Variants in TLE2 observed in about 807,000 individuals in gnomAD.
The protein encoded by TLE2 is transducin-like enhancer protein 2.
TLE2 carries 74 observed loss-of-function variants against 97.2 expected under a neutral mutation model. The ratio of observed to expected loss-of-function variants is 0.76; its 90% CI spans 0.63 to 0.92. The LOEUF is 0.92. Ranked by LOEUF, TLE2 falls within the 40% of genes least tolerant of loss-of-function variation. The pLI, the probability that TLE2 is intolerant of heterozygous loss-of-function variation, is 0.00. For missense variants in TLE2, 1,038 were observed against 1,008.7 expected (o/e 1.03, Z -0.39); for synonymous variants, 499 against 432.1 (o/e 1.15, Z -1.92).
chr19:3,024,754 G>A (rs1219222927), intron 5 of TLE2, among the ~76,000 whole-genome samples: 1 of 152,204 alleles, frequency 6.6e-6, no homozygotes, highest in African/African-American at 2.4e-5. Flanking sequence ...GCTTGAGGGG[G>A]TCAGCTCTAT....
At chr19:3,011,228 G>A in intron 11 of TLE2, 68 bp from the exon 12 acceptor site, 1 of 1,483,386 alleles carries the variant, frequency 6.7e-7, no homozygotes, top group South Asian at 1.4e-5. Context: ...GATCTGATCA[G>A]AAACTGGGGT....
chr19:3,044,780 G>C (rs2090129943), intron 1 of TLE2, among the ~76,000 whole-genome samples: 1 of 152,202 alleles, frequency 6.6e-6, no homozygotes, highest in Non-Finnish European at 1.5e-5. Context: ...TGCCAGGCAT[G>C]ATTCTAGGCC....
At chr19:2,999,152 G>T (rs915484373) in intron 19 of TLE2, among the ~76,000 whole-genome samples, 1 of 152,012 alleles carries the variant, frequency 6.6e-6, no homozygotes, top group South Asian at 2.1e-4. Flanking sequence ...CATGGTGGCG[G>T]GCACATGTAA....
chr19:3,003,087 A>AGAGAAAG (rs1171134362), intron 17 of TLE2, among the ~76,000 whole-genome samples: 1 of 152,056 alleles, frequency 6.6e-6, no homozygotes, highest in African/African-American at 2.4e-5. Flanking sequence ...GCACCCCCCT[A>AGAGAAAG]GAGAAAGGCA....
chr19:3,017,433 T>TG (rs1364983778), intron 8 of TLE2, among the ~76,000 whole-genome samples: 1 of 114,186 alleles, frequency 8.8e-6, no homozygotes, highest in African/African-American at 3.2e-5. Context: ...CCTGGCCTGG[T>TG]TTTTTTTTTT....
upstream of TLE2, chr19:3,029,562 G>GGC (rs1555694592): frequency 3.3e-5 from 27 of 816,150 alleles, no homozygotes; most frequent in Non-Finnish European, 3.7e-5. Context: ...TGGGAGCGGG[G>GGC]GGGGGGGCTT....
At chr19:3,017,484 T>C (rs1241323437) in intron 8 of TLE2, among the ~76,000 whole-genome samples, 2 of 144,966 alleles carry the variant, frequency 1.4e-5, no homozygotes, top group East Asian at 2.0e-4. Context: ...AGGGTCTTAC[T>C]CTGTCACCCA....
In TLE2 at chr19:3,006,498, C is replaced by T. The variant is rs1316878551; in HGVS notation, c.1422G>A (p.Thr474=). 2 of 1,609,556 alleles carry T rather than the reference C, an allele frequency of 1.2e-6. No homozygotes were observed. Among genetic ancestry groups the T allele is most frequent in the African/African-American group, 1.3e-5 (1 of 74,840 alleles). The stretch of plus-strand genomic sequence containing the variant: ...ACACCTTCACACAGCCCTTGCCGCC[C>T]GTGTACACATGCTGTGTGGAGCCGC... ...TISGSTQHVY[T]GGKGCVKVWD... Residue 474 remains threonine, a synonymous_variant, in exon 15 of 20, where the codon ACG becomes ACA. Transcript: ENST00000262953.
chr19:3,000,463 C>G (rs1052748128), intron 19 of TLE2, among the ~76,000 whole-genome samples, 184 bp downstream of exon 19: 1 of 152,042 alleles, frequency 6.6e-6, no homozygotes, highest in African/African-American at 2.4e-5. Context: ...TGAGGCGAGG[C>G]CTCCGGCTGA....
At position 3,009,550 on chromosome 19, in the gene TLE2, A is replaced by G. The variant is rs745323586; in HGVS notation, c.1165T>C (p.Ser389Pro). The G allele has an allele frequency of 6.2e-7, 1 of 1,605,456 alleles. No individual in the cohort carries two copies. Among genetic ancestry groups the G allele is most frequent in the Non-Finnish European group, 8.5e-7 (1 of 1,175,968 alleles). ...QVSSSVVYGR[S>P]PVMAFESHPH... is the part of the protein sequence containing the mutation. ...CCCACCCAAGGACTCACCACGGGGG[A>G]GCGTCCGTACACCACAGAGCTGCTG... Residue 389 changes from serine to proline, a missense_variant, in exon 13 of 20, where the codon TCC becomes CCC. Ser to Pro is a moderately conservative substitution (Grantham distance 74). Transcript: ENST00000262953.
chr19:3,000,111 G>A (rs1013092091), intron 19 of TLE2, among the ~76,000 whole-genome samples: 7 of 150,662 alleles, frequency 4.6e-5, no homozygotes, highest in Non-Finnish European at 1.0e-4. Flanking sequence ...TCACTCTGTC[G>A]CCCAGGCTGG....
intron 1 of TLE2, among the ~76,000 whole-genome samples, chr19:3,042,523 G>C (rs967367634): frequency 6.6e-6 from 1 of 151,122 alleles, no homozygotes; most frequent in Non-Finnish European, 1.5e-5. Context: ...CCAATGAAGA[G>C]ATCCAGGGAA....
chr19:3,008,319 A>G (rs2089517613), intron 14 of TLE2, among the ~76,000 whole-genome samples: 1 of 152,166 alleles, frequency 6.6e-6, no homozygotes, highest in Non-Finnish European at 1.5e-5. Flanking sequence ...CAGGCCAGGA[A>G]CGTCTCCTCC....
chr19:3,040,734 G>C (rs1006884546), intron 1 of TLE2, among the ~76,000 whole-genome samples: 2 of 151,694 alleles, frequency 1.3e-5, no homozygotes, highest in South Asian at 4.2e-4. Flanking sequence ...TGCAAGCCTC[G>C]AGCAAAATCC....
intron 5 of TLE2, among the ~76,000 whole-genome samples, chr19:3,022,742 C>A (rs532845803): frequency 6.6e-6 from 1 of 151,966 alleles, no homozygotes; most frequent in Non-Finnish European, 1.5e-5. Flanking sequence ...TATCAGGATG[C>A]GGATACAGAG....
intron 1 of TLE2, among the ~76,000 whole-genome samples, chr19:3,035,906 T>C (rs1205478598): frequency 2.7e-5 from 4 of 149,852 alleles, no homozygotes; most frequent in African/African-American, 4.9e-5. Context: ...GGCTCCATTA[T>C]TATCCAGAAA....
intron 1 of TLE2, among the ~76,000 whole-genome samples, chr19:3,039,030 C>A (rs2090080794): frequency 7.0e-6 from 1 of 143,616 alleles, no homozygotes; most frequent in African/African-American, 2.7e-5. Context: ...GCAACAAGAG[C>A]AAAACCACGA....
chr19:3,020,116 A>T (rs113541352), intron 5 of TLE2: 50,638 of 273,364 alleles, frequency 0.19, 5,083 homozygotes, highest in Middle Eastern at 0.21. Flanking sequence ...AACACCTGTA[A>T]TCCCAGCTAC....
chr19:3,020,388 CA>C (rs1282284933), intron 5 of TLE2: 1 of 152,114 alleles, frequency 6.6e-6, no homozygotes, highest in African/African-American at 2.4e-5. Context: ...CACTCCATGC[CA>C]GGGGCACCCC....
Sources: allele counts gnomAD v4.1 joint callset (sites outside exome capture counted in the v4.1 genomes callset), GRCh38; gene constraint gnomAD v4.1.1; transcripts MANE v1.5; gene names NCBI Gene and HGNC (gene_info 2026-07-23, HGNC 2026-07-21).